Variants in PTPRD observed in about 807,000 individuals in gnomAD.
The protein encoded by PTPRD is protein tyrosine phosphatase receptor type D.
A neutral mutation model predicts 214.5 loss-of-function variants in PTPRD; 34 were observed. That is an observed-to-expected ratio of 0.16 (90% CI 0.12 to 0.21). The LOEUF is 0.21. PTPRD is among the 10% of genes least tolerant of loss of function. The pLI, the probability that PTPRD is intolerant of heterozygous loss-of-function variation, is 1.00. For missense variants in PTPRD, 2,545 were observed against 2,398.7 expected (o/e 1.06, Z -1.27); for synonymous variants, 1,128 against 845.7 (o/e 1.33, Z -5.79).
At chr9:9,925,952 C>T (rs925021418) in intron 5 of PTPRD, among the ~76,000 whole-genome samples, 1 of 152,066 alleles carries the variant, frequency 6.6e-6, no homozygotes, top group Admixed American at 6.6e-5. Context: ...CCTCAGCCTC[C>T]TAAGTAGCTG....
At chr9:10,233,805 A>C (rs2099620256) in intron 3 of PTPRD, among the ~76,000 whole-genome samples, 1 of 151,990 alleles carries the variant, frequency 6.6e-6, no homozygotes. Flanking sequence ...TTAAATATCT[A>C]AATATTTAAG....
intron 43 of PTPRD, among the ~76,000 whole-genome samples, chr9:8,338,410 T>TA (rs1166314570): frequency 6.6e-6 from 1 of 152,100 alleles, no homozygotes; most frequent in Non-Finnish European, 1.5e-5. Context: ...CACTGAGGAA[T>TA]AAGCCATGCC....
intron 9 of PTPRD, among the ~76,000 whole-genome samples, chr9:9,328,796 C>A (rs1275826392): frequency 6.6e-6 from 1 of 150,794 alleles, no homozygotes; most frequent in African/African-American, 2.4e-5. Context: ...ACCACCACAT[C>A]CAGCTATTTC....
intron 3 of PTPRD, among the ~76,000 whole-genome samples, chr9:10,139,944 A>T (rs2098971436): frequency 6.6e-6 from 1 of 152,150 alleles, no homozygotes; most frequent in Non-Finnish European, 1.5e-5. Context: ...TCTAGAAGAA[A>T]ATCCAGAACA....
chr9:9,098,126 C>T (rs776549927), intron 10 of PTPRD, among the ~76,000 whole-genome samples: 1 of 151,896 alleles, frequency 6.6e-6, no homozygotes, highest in Non-Finnish European at 1.5e-5. Flanking sequence ...TGTTCATTAA[C>T]CATGTATCAC....
chr9:9,048,970 A>G (rs2099679212), intron 10 of PTPRD, among the ~76,000 whole-genome samples: 1 of 152,190 alleles, frequency 6.6e-6, no homozygotes, highest in Non-Finnish European at 1.5e-5. Context: ...AAAAGTTAAC[A>G]AAATTTTAAA....
rs540028453 is a variant in PTPRD at position 10,557,551 on chromosome 9, TCTG to T, written c.-600+54844_-600+54846del. Among the ~76,000 whole-genome samples the T allele has an allele frequency of 2.6e-4, 39 of 152,308 alleles. 1 individual carries two copies. In the East Asian group the frequency reaches 7.5e-3, roughly 29 times the overall value. On this transcript the variant is annotated intron_variant, in intron 2 of 45. Transcript: ENST00000381196. Reference sequence around the variant, plus strand: ...TTATTCACAAAGTTTTCACTGCTGCTCTGCTATCACTGTCCCCAAATCTCCAAA... The same window carrying T: ...TTATTCACAAAGTTTTCACTGCTGCTCTATCACTGTCCCCAAATCTCCAAA...
At chr9:9,826,148 T>G (rs1467819248) in intron 5 of PTPRD, among the ~76,000 whole-genome samples, 2 of 151,802 alleles carry the variant, frequency 1.3e-5, no homozygotes, top group Non-Finnish European at 2.9e-5. Flanking sequence ...TCTTTAATAG[T>G]TTTTACGTCT....
intron 3 of PTPRD, among the ~76,000 whole-genome samples, chr9:10,101,119 G>A (rs2098547712): frequency 6.6e-6 from 1 of 151,528 alleles, no homozygotes; most frequent in African/African-American, 2.4e-5. Flanking sequence ...CTGACTGAAA[G>A]TTTCTCCTAT....
chr9:9,082,875 C>A (rs930468161), intron 10 of PTPRD, among the ~76,000 whole-genome samples: 1 of 152,112 alleles, frequency 6.6e-6, no homozygotes, highest in Non-Finnish European at 1.5e-5. Flanking sequence ...AGGAGAACTA[C>A]AAACCACTGC....
intron 7 of PTPRD, among the ~76,000 whole-genome samples, chr9:9,643,181 G>C (rs553565892): frequency 6.6e-6 from 1 of 151,938 alleles, no homozygotes; most frequent in African/African-American, 2.4e-5. Flanking sequence ...AGACCACACA[G>C]TTTAGAATGT....
At chr9:9,692,488 G>T (rs2494402) in intron 7 of PTPRD, among the ~76,000 whole-genome samples, 95,277 of 151,734 alleles carry the variant, frequency 0.63, 30,267 homozygotes, top group South Asian at 0.67. Flanking sequence ...TAGTTTATGT[G>T]TCTGTTTTTA....
At chr9:9,825,344 GA>G (rs1260978782) in intron 5 of PTPRD, among the ~76,000 whole-genome samples, 2 of 150,866 alleles carry the variant, frequency 1.3e-5, no homozygotes, top group East Asian at 3.9e-4. Flanking sequence ...AAGAGACAAA[GA>G]AAGAGACAAA....
chr9:10,014,708 T>C (rs2096666373), intron 4 of PTPRD, among the ~76,000 whole-genome samples: 1 of 152,030 alleles, frequency 6.6e-6, no homozygotes, highest in South Asian at 2.1e-4. Flanking sequence ...AGAGAAACAC[T>C]TTGATTTGGA....
At chr9:10,238,687 T>C (rs1419671009) in intron 3 of PTPRD, among the ~76,000 whole-genome samples, 1 of 151,984 alleles carries the variant, frequency 6.6e-6, no homozygotes, top group South Asian at 2.1e-4. Context: ...AAATCCTATC[T>C]AAAAATTGTA....
intron 8 of PTPRD, among the ~76,000 whole-genome samples, chr9:9,524,059 T>A (rs1340723777): frequency 6.6e-6 from 1 of 152,104 alleles, no homozygotes; most frequent in African/African-American, 2.4e-5. Flanking sequence ...AAGTTATATT[T>A]TGAACTGTGG....
chr9:9,483,798 G>A (rs1187313032), intron 8 of PTPRD, among the ~76,000 whole-genome samples: 1 of 144,956 alleles, frequency 6.9e-6, no homozygotes, highest in African/African-American at 2.6e-5. Context: ...TTTTTTTTAA[G>A]TCATGCTATA....
chr9:10,429,282 G>A (rs548614350), intron 2 of PTPRD, among the ~76,000 whole-genome samples: 5 of 151,756 alleles, frequency 3.3e-5, no homozygotes, highest in East Asian at 3.9e-4. Context: ...TGAAGAGTTC[G>A]CAAAGAAGTA....
intron 3 of PTPRD, among the ~76,000 whole-genome samples, chr9:10,251,744 C>T (rs150768381): frequency 2.0e-5 from 3 of 152,216 alleles, no homozygotes; most frequent in East Asian, 3.9e-4. Context: ...TCCACTTGCT[C>T]ATATCGCAAT....
Sources: gnomAD v4.1 joint callset for allele counts (sites outside exome capture counted in the v4.1 genomes callset) on GRCh38, gnomAD v4.1.1 for gene constraint, MANE v1.5 for transcripts, NCBI Gene and HGNC (gene_info 2026-07-23, HGNC 2026-07-21) for gene names.